Variants in CHLSN observed in about 807,000 individuals in gnomAD.
The protein encoded by CHLSN is protein cholesin.
the CHLSN span, chr7:988,563 G>T: frequency 1.9e-6 from 3 of 1,598,802 alleles, no homozygotes; most frequent in Non-Finnish European, 2.6e-6. Context: ...TGCTCCCCTG[G>T]GGAGGTCCCC....
At chr7:1,029,689 G>A in the CHLSN span, among the ~76,000 whole-genome samples, 1 of 152,142 alleles carries the variant, frequency 6.6e-6, no homozygotes, top group Non-Finnish European at 1.5e-5. Context: ...TCAGGGTCCA[G>A]GACACACTGA....
At chr7:1,034,405 T>C in the CHLSN span, among the ~76,000 whole-genome samples, 1 of 151,044 alleles carries the variant, frequency 6.6e-6, no homozygotes, top group Non-Finnish European at 1.5e-5. Flanking sequence ...TTTTTTTTTG[T>C]AGGTAAAGAC....
the CHLSN span, among the ~76,000 whole-genome samples, chr7:1,113,553 G>C: frequency 1.3e-5 from 2 of 152,208 alleles, no homozygotes; most frequent in Admixed American, 1.3e-4. Context: ...ACAGGATGCA[G>C]AACAGCTGGA....
At chr7:985,238 G>A in the CHLSN span, 26 of 1,552,854 alleles carry the variant, frequency 1.7e-5, no homozygotes, top group East Asian at 1.2e-4. Context: ...TTCGGCCGCC[G>A]ATTTGACTAC....
chr7:1,028,544 C>G, the CHLSN span: 7 of 985,088 alleles, frequency 7.1e-6, no homozygotes, highest in South Asian at 9.4e-5. Flanking sequence ...TCCGACGAGG[C>G]TCTCTGGCCG....
chr7:1,093,522 C>A, the CHLSN span: 5 of 470,808 alleles, frequency 1.1e-5, no homozygotes, highest in African/African-American at 1.0e-4. Flanking sequence ...GCAGGAAGGC[C>A]CCTCTGTGGA....
the CHLSN span, among the ~76,000 whole-genome samples, chr7:1,096,595 C>T: frequency 3.3e-5 from 5 of 152,212 alleles, no homozygotes; most frequent in South Asian, 2.1e-4. The surrounding 1 kb of genome is among the most constrained non-coding windows in gnomAD (Gnocchi z 4.6). Flanking sequence ...AAAATCAAGG[C>T]GTCTTAACTG....
At chr7:987,534 G>A in the CHLSN span, 1 of 1,516,634 alleles carries the variant, frequency 6.6e-7, no homozygotes, top group Non-Finnish European at 8.8e-7. Context: ...TCCCCAAGGT[G>A]GGGCTGGGCC....
the CHLSN span, among the ~76,000 whole-genome samples, chr7:1,022,466 C>T: frequency 6.6e-6 from 1 of 152,358 alleles, no homozygotes; most frequent in Non-Finnish European, 1.5e-5. Context: ...ACTGCTTTTT[C>T]TGAGAAACAA....
At chr7:1,017,605 C>T in the CHLSN span, among the ~76,000 whole-genome samples, 1 of 152,140 alleles carries the variant, frequency 6.6e-6, no homozygotes, top group Admixed American at 6.5e-5. Context: ...TACACACCCT[C>T]CTGCACCTTC....
the CHLSN span, among the ~76,000 whole-genome samples, chr7:1,090,948 T>C: frequency 0.52 from 78,971 of 152,042 alleles, 21,718 homozygotes; most frequent in African/African-American, 0.71. Context: ...GATTCTGCTC[T>C]GATGTCCAGC....
the CHLSN span, among the ~76,000 whole-genome samples, chr7:996,604 C>T: frequency 2.0e-5 from 3 of 152,182 alleles, no homozygotes; most frequent in Non-Finnish European, 2.9e-5. Context: ...GACTTGGCCT[C>T]ACAGTGGGGC....
chr7:984,817 A>G, the CHLSN span: 1 of 1,288,500 alleles, frequency 7.8e-7, no homozygotes, highest in Non-Finnish European at 1.1e-6. Context: ...GCCCAGGGGG[A>G]CGGGAGTGGG....
chr7:1,101,386 A>C, the CHLSN span, among the ~76,000 whole-genome samples: 1 of 152,192 alleles, frequency 6.6e-6, no homozygotes, highest in East Asian at 1.9e-4. Context: ...GAGTCCCCAG[A>C]GGGGCCCAGC....
the CHLSN span, chr7:1,044,609 C>T: frequency 6.6e-6 from 1 of 151,186 alleles, no homozygotes. Context: ...CTCCGCCAGC[C>T]CGAGCTGCCC....
At chr7:1,023,172 G>A in the CHLSN span, 1 of 351,662 alleles carries the variant, frequency 2.8e-6, no homozygotes, top group Non-Finnish European at 5.7e-6. This position sits in a 1 kb window ranked among gnomAD's most constrained non-coding sequence, Gnocchi z 5.0. Context: ...CACAGCCACA[G>A]GGAGACACAG....
the CHLSN span, among the ~76,000 whole-genome samples, chr7:1,080,470 G>T: frequency 6.6e-6 from 1 of 152,204 alleles, no homozygotes; most frequent in African/African-American, 2.4e-5. Flanking sequence ...CCGCGTGACG[G>T]TCCGGGGAGT....
the CHLSN span, chr7:985,443 A>C: frequency 8.5e-7 from 1 of 1,170,192 alleles, no homozygotes. Context: ...ACCTTGCAAA[A>C]GGAATCAGAT....
chr7:993,554 C>T, the CHLSN span, among the ~76,000 whole-genome samples: 115 of 152,208 alleles, frequency 7.6e-4, no homozygotes, highest in Non-Finnish European at 6.8e-4. Context: ...GTGGGAGGAT[C>T]GCTTGAGCCC....
Sources: gnomAD v4.1 joint callset for allele counts (sites outside exome capture counted in the v4.1 genomes callset) on GRCh38, gnomAD v4.1.1 for gene constraint, Gnocchi (gnomAD v3.1) non-coding constraint, MANE v1.5 for transcripts, NCBI Gene and HGNC (gene_info 2026-07-23, HGNC 2026-07-21) for gene names.